SHTN1: variants seen among roughly 807,000 people sequenced by gnomAD.
SHTN1 encodes shootin-1.
In SHTN1, 42 loss-of-function variants were observed where a neutral mutation model predicts 83.1. The observed-to-expected ratio is 0.51, with a 90% CI of 0.39 to 0.65. The LOEUF is 0.65. Ranked by LOEUF, SHTN1 falls within the 30% of genes least tolerant of loss-of-function variation. The pLI is 0.00. For missense variants in SHTN1, 622 were observed against 737.8 expected (o/e 0.84, Z 1.82); for synonymous variants, 224 against 247.7 (o/e 0.90, Z 0.90).
chr10:116,930,858 C>T (rs1253910131), intron 9 of SHTN1, among the ~76,000 whole-genome samples: 1 of 152,122 alleles, frequency 6.6e-6, no homozygotes, highest in African/African-American at 2.4e-5. Flanking sequence ...AGTGTTTAAG[C>T]GTCCCATTTC....
At chr10:117,031,458 T>G (rs1366465404) in intron 2 of SHTN1, among the ~76,000 whole-genome samples, 1 of 152,152 alleles carries the variant, frequency 6.6e-6, no homozygotes, top group Non-Finnish European at 1.5e-5. Context: ...AACAGAATAT[T>G]ATAACACTGT....
chr10:116,895,181 A>C (rs1589781402), intron 16 of SHTN1, among the ~76,000 whole-genome samples: 1 of 152,348 alleles, frequency 6.6e-6, no homozygotes, highest in East Asian at 1.9e-4. Flanking sequence ...ATCATTTAGT[A>C]AAAGCATCTT....
intron 2 of SHTN1, among the ~76,000 whole-genome samples, chr10:117,032,360 T>C (rs1289232277): frequency 6.6e-6 from 1 of 152,042 alleles, no homozygotes; most frequent in South Asian, 2.1e-4. Context: ...CCTACCACCG[T>C]GCCCGGCTAA....
intron 1 of SHTN1, among the ~76,000 whole-genome samples, chr10:117,098,205 G>T (rs1450201818): frequency 7.1e-6 from 1 of 141,214 alleles, no homozygotes. Flanking sequence ...TGGCTAACAC[G>T]GTGAAATCCC....
intron 1 of SHTN1, among the ~76,000 whole-genome samples, chr10:117,002,776 A>T (rs917119304): frequency 6.6e-6 from 1 of 152,210 alleles, no homozygotes; most frequent in African/African-American, 2.4e-5. Context: ...TGGGCTGAAA[A>T]AATCCCAACA....
chr10:116,915,840 A>G (rs1334989568), intron 12 of SHTN1, among the ~76,000 whole-genome samples: 1 of 152,140 alleles, frequency 6.6e-6, no homozygotes, highest in Non-Finnish European at 1.5e-5. Context: ...TGTCTCAAAG[A>G]TGTTTTTACA....
At chr10:116,915,578 A>C (rs1211225107) in intron 12 of SHTN1, 94 bp from the exon 13 acceptor site, 2 of 687,188 alleles carry the variant, frequency 2.9e-6, no homozygotes, top group South Asian at 1.9e-5. Flanking sequence ...CTATGCAATT[A>C]ATCACAGTCA....
intron 4 of SHTN1, among the ~76,000 whole-genome samples, chr10:116,955,100 CAAAAAAAAA>C (rs59777387): frequency 1.1e-5 from 1 of 87,770 alleles, no homozygotes; most frequent in East Asian, 3.1e-4. Context: ...TACTTCACAG[CAAAAAAAAA>C]AAAAAAAAAA....
chr10:116,974,983 T>TA, intron 2 of SHTN1, among the ~76,000 whole-genome samples: 1 of 152,296 alleles, frequency 6.6e-6, no homozygotes. Context: ...GCAAAATATA[T>TA]AGTCATCTAT....
At chr10:117,008,564 CATT>C (rs1310446311), upstream of SHTN1, among the ~76,000 whole-genome samples, 1 of 152,070 alleles carries the variant, frequency 6.6e-6, no homozygotes, top group Non-Finnish European at 1.5e-5. Flanking sequence ...AATTTGAAAA[CATT>C]ATACTCAGTG....
intron 6 of SHTN1, among the ~76,000 whole-genome samples, chr10:116,950,129 G>T (rs1486452399): frequency 6.6e-6 from 1 of 152,136 alleles, no homozygotes; most frequent in Non-Finnish European, 1.5e-5. Flanking sequence ...CTAATATTCT[G>T]TGAATTAAGT....
chr10:116,978,099 C>A (rs571908082), intron 2 of SHTN1, among the ~76,000 whole-genome samples: 1 of 152,152 alleles, frequency 6.6e-6, no homozygotes, highest in Non-Finnish European at 1.5e-5. Context: ...AGCAAAGGAG[C>A]CTTAAAACTA....
At chr10:117,084,811 C>A (rs1314695632) in intron 1 of SHTN1, among the ~76,000 whole-genome samples, 2 of 152,202 alleles carry the variant, frequency 1.3e-5, no homozygotes, top group African/African-American at 2.4e-5. Flanking sequence ...AGGTGCCGTC[C>A]GTCACCCCTT....
intron 6 of SHTN1, among the ~76,000 whole-genome samples, chr10:116,950,718 A>C (rs1849746581): frequency 6.6e-6 from 1 of 152,098 alleles, no homozygotes; most frequent in Admixed American, 6.6e-5. Context: ...TTTTGGTTTA[A>C]ATTAGTAACT....
At chr10:117,014,271 A>C (rs1248338849) in intron 2 of SHTN1, among the ~76,000 whole-genome samples, 1 of 152,196 alleles carries the variant, frequency 6.6e-6, no homozygotes, top group Non-Finnish European at 1.5e-5. Context: ...TATACATCCC[A>C]AAAATGGACT....
intron 1 of SHTN1, among the ~76,000 whole-genome samples, chr10:117,062,376 C>G (rs1055411413): frequency 6.6e-6 from 1 of 152,146 alleles, no homozygotes; most frequent in Non-Finnish European, 1.5e-5. Flanking sequence ...TCAACTGACA[C>G]AGAATTCCCA....
intron 8 of SHTN1, among the ~76,000 whole-genome samples, chr10:116,944,609 G>GT (rs1236674072): frequency 4.6e-5 from 7 of 152,194 alleles, no homozygotes; most frequent in Admixed American, 1.3e-4. Flanking sequence ...AATTCAAAAG[G>GT]TTTTTACGGC....
At chr10:116,962,633 A>G (rs1589847142) in intron 3 of SHTN1, among the ~76,000 whole-genome samples, 1 of 152,166 alleles carries the variant, frequency 6.6e-6, no homozygotes, top group East Asian at 1.9e-4. Context: ...TAGGAAACAA[A>G]ACAAAACAAA....
At chr10:116,997,108 A>G (rs1236828086) in intron 1 of SHTN1, among the ~76,000 whole-genome samples, 2 of 152,184 alleles carry the variant, frequency 1.3e-5, no homozygotes, top group Non-Finnish European at 2.9e-5. Context: ...TTTCCCACCT[A>G]AAAACAAGAT....
Sources: gnomAD v4.1 joint callset for allele counts (sites outside exome capture counted in the v4.1 genomes callset) on GRCh38, gnomAD v4.1.1 for gene constraint, MANE v1.5 for transcripts, NCBI Gene and HGNC (gene_info 2026-07-23, HGNC 2026-07-21) for gene names.